The following PCDHA13 variants were observed in gnomAD, a reference collection of about 807,000 sequenced individuals.
PCDHA13 encodes protocadherin alpha 13.
A neutral mutation model predicts 64.8 loss-of-function variants in PCDHA13; 54 were observed. The observed-to-expected ratio is 0.83, with a 90% CI of 0.67 to 1.04. The LOEUF (loss-of-function observed/expected upper bound fraction) is 1.04. Ranked by LOEUF, PCDHA13 falls within the 50% of genes least tolerant of loss-of-function variation. PCDHA13 has a pLI of 0.00. For synonymous variants in PCDHA13, 587 were observed against 564.4 expected (o/e 1.04, Z -0.57); for missense variants, 1,248 against 1,254.3 (o/e 0.99, Z 0.08).
At chr5:140,927,956 C>G in intron 1 of PCDHA13, 1 of 1,614,224 alleles carries the variant, frequency 6.2e-7, no homozygotes. Flanking sequence ...GACGCTGCCC[C>G]TGGCACAGTG....
At chr5:140,969,347 G>C (rs1554231707) in intron 1 of PCDHA13, 1 of 1,613,472 alleles carries the variant, frequency 6.2e-7, no homozygotes, top group South Asian at 1.1e-5. Context: ...ACAGTGGTCA[G>C]GGGGTCTTCT....
intron 1 of PCDHA13, chr5:140,968,059 G>A (rs1554230273): frequency 6.2e-7 from 1 of 1,614,106 alleles, no homozygotes; most frequent in South Asian, 1.1e-5. Context: ...ACCGAGAGCG[G>A]GTGGCTGTCT....
rs114567887 is a variant in PCDHA13, at chr5:140,974,104, T to G, written c.2395-4845T>G. The stretch of plus-strand genomic sequence containing the variant: ...GACTTCAAAAATCAAAGGTTAAAAG[T>G]ATTCTTTTGCAGTGTTTTAAATCTG... On this transcript the variant is annotated intron_variant, in intron 1 of 3. Coordinates refer to ENST00000289272, the MANE Select transcript of PCDHA13 (RefSeq NM_018904.3). Among the ~76,000 whole-genome samples, 1,327 of 152,364 alleles carry G rather than the reference T, an allele frequency of 8.7e-3. 24 individuals carry two copies. Among genetic ancestry groups the G allele is most frequent in the African/African-American group, 0.03 (1,240 of 41,584 alleles).
chr5:140,971,805 T>C (rs938421537), intron 1 of PCDHA13, among the ~76,000 whole-genome samples: 1 of 152,166 alleles, frequency 6.6e-6, no homozygotes, highest in Non-Finnish European at 1.5e-5. Flanking sequence ...AATATTATAA[T>C]ATTGAATACA....
intron 1 of PCDHA13, among the ~76,000 whole-genome samples, chr5:140,887,519 T>C (rs1460911624): frequency 1.3e-5 from 2 of 152,190 alleles, no homozygotes; most frequent in East Asian, 3.8e-4. Flanking sequence ...CTTTTTTATA[T>C]ATGAGTCTTC....
At chr5:140,936,240 CAT>C (rs1282249217) in intron 1 of PCDHA13, among the ~76,000 whole-genome samples, 3 of 152,152 alleles carry the variant, frequency 2.0e-5, no homozygotes, top group Non-Finnish European at 4.4e-5. Flanking sequence ...TTAAAGAAAA[CAT>C]ATCCTGCTTC....
chr5:140,892,311 T>C (rs1042617869), intron 1 of PCDHA13, among the ~76,000 whole-genome samples: 1 of 152,222 alleles, frequency 6.6e-6, no homozygotes, highest in Non-Finnish European at 1.5e-5. Flanking sequence ...TTGGGGCTTA[T>C]AACATTTTCT....
chr5:140,899,675 C>T lies in PCDHA13; in HGVS notation c.2394+15013C>T, dbSNP rs569711192. On this transcript the variant is annotated intron_variant, in intron 1 of 3. Coordinates refer to ENST00000289272, the MANE Select transcript of PCDHA13 (RefSeq NM_018904.3). The stretch of plus-strand genomic sequence containing the variant: ...TTGTGTCTCTGCCCGGCTTTGGTAT[C>T]AGGATGATGCTGGCCTCATAAAATG... Among the ~76,000 whole-genome samples the T allele has an allele frequency of 4.6e-3, 702 of 152,296 alleles. 3 individuals are homozygous for T. The highest frequency in any genetic ancestry group is 0.016 in the African/African-American group (679 of 41,556).
At chr5:141,005,288 T>A (rs908780920) in intron 3 of PCDHA13, among the ~76,000 whole-genome samples, 1 of 152,176 alleles carries the variant, frequency 6.6e-6, no homozygotes. Flanking sequence ...AACAGATACA[T>A]TTTTTGCCTT....
Position 140,927,198 on chromosome 5 carries a change from G to T in PCDHA13, c.2394+42536G>T. On this transcript the variant is annotated intron_variant, in intron 1 of 3. Transcript: ENST00000289272. ...TCTTGACCTACGACCTGGTGCTCGA[G>T]GACCCGCTGGAGCTGCACAAGATTC... 3 of 1,614,162 alleles carry T rather than the reference G, an allele frequency of 1.9e-6. No homozygotes were observed. In the South Asian group the frequency reaches 3.3e-5, roughly 18 times the overall value.
At chr5:140,951,682 C>T (rs1327606119) in intron 1 of PCDHA13, among the ~76,000 whole-genome samples, 1 of 152,146 alleles carries the variant, frequency 6.6e-6, no homozygotes, top group East Asian at 1.9e-4. Flanking sequence ...TTGGGGATTA[C>T]AATGTGACAT....
intron 1 of PCDHA13, among the ~76,000 whole-genome samples, chr5:140,925,641 T>TAATA (rs2082614636): frequency 7.0e-6 from 1 of 143,358 alleles, no homozygotes; most frequent in Non-Finnish European, 1.5e-5. Flanking sequence ...GAACTTAAAG[T>TAATA]ATAATAATAA....
chr5:140,941,185 C>CT (rs782102770), intron 1 of PCDHA13, among the ~76,000 whole-genome samples: 18 of 102,242 alleles, frequency 1.8e-4, no homozygotes, highest in East Asian at 3.7e-4. Flanking sequence ...CATCCTGCTT[C>CT]TTTTTTTTTC....
chr5:140,956,243 C>T (rs2095270530), intron 1 of PCDHA13, among the ~76,000 whole-genome samples: 1 of 152,142 alleles, frequency 6.6e-6, no homozygotes, highest in African/African-American at 2.4e-5. Flanking sequence ...AAGGGGAATG[C>T]TTCCAGGTTT....
intron 3 of PCDHA13, among the ~76,000 whole-genome samples, chr5:141,006,730 C>A (rs1222445312): frequency 1.3e-5 from 2 of 151,754 alleles, no homozygotes; most frequent in African/African-American, 4.8e-5. Context: ...AATGACAGGT[C>A]TTGATGATGT....
intron 1 of PCDHA13, among the ~76,000 whole-genome samples, chr5:140,922,186 G>A (rs2080700999): frequency 6.6e-6 from 1 of 151,230 alleles, no homozygotes; most frequent in South Asian, 2.1e-4. Context: ...CAAAAAAAAA[G>A]TCTTATCTTT....
intron 3 of PCDHA13, among the ~76,000 whole-genome samples, chr5:140,990,384 T>A (rs2097391380): frequency 6.6e-6 from 1 of 152,186 alleles, no homozygotes; most frequent in Non-Finnish European, 1.5e-5. Context: ...TTGTTGGTGA[T>A]GTTCCAAGAA....
Position 140,951,565 on chromosome 5 carries a change from T to G in PCDHA13, c.2395-27384T>G, listed in dbSNP as rs151148481. Among the ~76,000 whole-genome samples the G allele has an allele frequency of 1.4e-3, 220 of 152,132 alleles. 1 individual carries two copies. Among genetic ancestry groups the G allele is most frequent in the African/African-American group, 4.9e-3 (203 of 41,508 alleles). ...GGACGGGGGGAAGTGCTACGCACTT[T>G]TAAACAACCAGATTTCACGAGATCT... On this transcript the variant is annotated intron_variant, in intron 1 of 3. Transcript: ENST00000289272.
At chr5:140,921,621 A>G (rs1274986378) in intron 1 of PCDHA13, among the ~76,000 whole-genome samples, 1 of 152,222 alleles carries the variant, frequency 6.6e-6, no homozygotes, top group African/African-American at 2.4e-5. Context: ...ATATCATCAG[A>G]TCATCATTAT....
Sources: allele counts gnomAD v4.1 joint callset (sites outside exome capture counted in the v4.1 genomes callset), GRCh38; gene constraint gnomAD v4.1.1; transcripts MANE v1.5; gene names NCBI Gene and HGNC (gene_info 2026-07-23, HGNC 2026-07-21).